Variants in AGBL4 observed in about 807,000 individuals in gnomAD.
The protein encoded by AGBL4 is cytosolic carboxypeptidase 6.
Under a neutral mutation model 66.4 loss-of-function variants are expected in AGBL4, and 58 were observed. The observed-to-expected ratio is 0.87, with a 90% CI of 0.71 to 1.09. The LOEUF (loss-of-function observed/expected upper bound fraction) is 1.09, where lower values mean the gene tolerates loss of function less well. Ranked by LOEUF, AGBL4 falls within the 50% of genes least tolerant of loss-of-function variation. The pLI is 0.00. For synonymous variants in AGBL4, 234 were observed against 222.9 expected, an observed-to-expected ratio of 1.05 and a Z score of -0.44; for missense variants, 579 against 631.0, an observed-to-expected ratio of 0.92 and a Z score of 0.88.
At chr1:48,573,640 C>G (rs1644604041) in intron 11 of AGBL4, among the ~76,000 whole-genome samples, 1 of 152,106 alleles carries the variant, frequency 6.6e-6, no homozygotes, top group South Asian at 2.1e-4. Flanking sequence ...TCTGAACACA[C>G]CTTTAAGAAA....
intron 2 of AGBL4, among the ~76,000 whole-genome samples, chr1:49,709,269 T>A (rs1647449355): frequency 6.6e-6 from 1 of 152,178 alleles, no homozygotes. Flanking sequence ...AGAGGAGGAA[T>A]CTAGAGAGGC....
At chr1:48,906,413 A>G (rs2148875384) in intron 5 of AGBL4, among the ~76,000 whole-genome samples, 1 of 152,222 alleles carries the variant, frequency 6.6e-6, no homozygotes, top group African/African-American at 2.4e-5. Flanking sequence ...CTGGGGAGAA[A>G]AGTATGTGAG....
intron 11 of AGBL4, among the ~76,000 whole-genome samples, chr1:48,546,854 A>AAAAC (rs201132945): frequency 3.2e-5 from 4 of 126,124 alleles, no homozygotes; most frequent in Admixed American, 9.0e-5. Context: ...GCGAGGTAGT[A>AAAAC]AAACAAACAA....
At chr1:49,058,382 G>A (rs1426001353) in intron 4 of AGBL4, among the ~76,000 whole-genome samples, 1 of 152,066 alleles carries the variant, frequency 6.6e-6, no homozygotes, top group African/African-American at 2.4e-5. Context: ...GTTTTATAAG[G>A]GGCTTTTCCC....
intron 2 of AGBL4, among the ~76,000 whole-genome samples, chr1:49,710,566 A>G (rs1338057676): frequency 6.6e-6 from 1 of 152,130 alleles, no homozygotes; most frequent in Non-Finnish European, 1.5e-5. Flanking sequence ...CTGCACATGT[A>G]TCCCAGAATT....
intron 6 of AGBL4, among the ~76,000 whole-genome samples, chr1:48,779,555 G>C (rs1645238577): frequency 6.6e-6 from 1 of 152,152 alleles, no homozygotes; most frequent in South Asian, 2.1e-4. Context: ...TCTTTGAGGG[G>C]AGGCAAAGGC....
chr1:48,996,096 G>GA (rs1175908369), intron 5 of AGBL4, among the ~76,000 whole-genome samples: 4 of 150,510 alleles, frequency 2.7e-5, no homozygotes, highest in Non-Finnish European at 4.4e-5. Flanking sequence ...GTGAGGGAAA[G>GA]AAAAAAAAAT....
At chr1:50,013,773 G>A (rs1354346352) in intron 1 of AGBL4, among the ~76,000 whole-genome samples, 3 of 152,100 alleles carry the variant, frequency 2.0e-5, no homozygotes, top group Non-Finnish European at 2.9e-5. Flanking sequence ...AAAGCACCTG[G>A]GGTAGTTACA....
chr1:49,917,399 C>T (rs1362192021), intron 1 of AGBL4, among the ~76,000 whole-genome samples: 1 of 150,912 alleles, frequency 6.6e-6, no homozygotes, highest in Non-Finnish European at 1.5e-5. Flanking sequence ...ATCTACCAAG[C>T]AAATGGAAAA....
chr1:49,546,019 T>C (rs1652450314), intron 3 of AGBL4, among the ~76,000 whole-genome samples: 1 of 152,134 alleles, frequency 6.6e-6, no homozygotes, highest in African/African-American at 2.4e-5. Flanking sequence ...TAGTCTCTTA[T>C]CCCTTGCCTC....
At chr1:48,747,795 G>A (rs1048038126) in intron 6 of AGBL4, among the ~76,000 whole-genome samples, 1 of 152,102 alleles carries the variant, frequency 6.6e-6, no homozygotes, top group African/African-American at 2.4e-5. Flanking sequence ...TAACACAAAT[G>A]TTTATGTTTG....
At chr1:49,828,317 T>C (rs1039002076) in intron 2 of AGBL4, among the ~76,000 whole-genome samples, 1 of 152,146 alleles carries the variant, frequency 6.6e-6, no homozygotes, top group African/African-American at 2.4e-5. Context: ...AAGTAGCATA[T>C]GAAAACAAAA....
At chr1:49,684,343 A>G (rs1404534331) in intron 3 of AGBL4, among the ~76,000 whole-genome samples, 2 of 152,172 alleles carry the variant, frequency 1.3e-5, no homozygotes, top group Non-Finnish European at 2.9e-5. Flanking sequence ...TTTCATTTGC[A>G]TAAAGATCTT....
At chr1:49,504,200 T>C (rs979847044) in intron 3 of AGBL4, among the ~76,000 whole-genome samples, 1 of 152,040 alleles carries the variant, frequency 6.6e-6, no homozygotes, top group Non-Finnish European at 1.5e-5. Flanking sequence ...CACTTCGTCC[T>C]TTCACCCTAT....
chr1:49,631,725 A>T (rs1230802740), intron 3 of AGBL4, among the ~76,000 whole-genome samples: 2 of 152,196 alleles, frequency 1.3e-5, no homozygotes, highest in Non-Finnish European at 2.9e-5. Context: ...TGACCTTCAG[A>T]CCACAAAGCA....
intron 3 of AGBL4, among the ~76,000 whole-genome samples, chr1:49,514,388 G>T (rs1401239837): frequency 6.6e-6 from 1 of 151,962 alleles, no homozygotes; most frequent in African/African-American, 2.4e-5. Context: ...AATAAAAGAG[G>T]ATAGAGACAA....
intron 2 of AGBL4, among the ~76,000 whole-genome samples, chr1:49,709,688 A>C (rs910587826): frequency 6.6e-5 from 10 of 152,198 alleles, no homozygotes; most frequent in Non-Finnish European, 1.0e-4. Context: ...TTTGCAATCT[A>C]TCCATCTGAC....
In AGBL4 at chr1:48,730,728, C is replaced by T. The variant is rs117505472; in HGVS notation, c.635-67487G>A. On this transcript the variant is annotated intron_variant, in intron 6 of 13. Transcript: ENST00000371839. ...CTAGATATTAATCACCTGCAGTTGCCGGGAATGTCTCCCTCTGCGAGGGAG... is the reference window on the plus strand; with the variant it reads ...CTAGATATTAATCACCTGCAGTTGCTGGGAATGTCTCCCTCTGCGAGGGAG... 7.7e-3 allele frequency among the ~76,000 whole-genome samples: 1,170 copies of T among 152,154 alleles called. 16 individuals are homozygous for T. The highest frequency in any genetic ancestry group is 0.026 in the East Asian group (133 of 5,172).
At chr1:48,956,722 A>T (rs992978331) in intron 5 of AGBL4, among the ~76,000 whole-genome samples, 5 of 152,210 alleles carry the variant, frequency 3.3e-5, no homozygotes, top group Non-Finnish European at 5.9e-5. Flanking sequence ...GCAGCCATAG[A>T]AAGGAAAATA....
Sources: allele counts gnomAD v4.1 joint callset (sites outside exome capture counted in the v4.1 genomes callset), GRCh38; gene constraint gnomAD v4.1.1; transcripts MANE v1.5; gene names NCBI Gene and HGNC (gene_info 2026-07-23, HGNC 2026-07-21).